The following SYK variants were observed in gnomAD, a reference collection of about 807,000 sequenced individuals.
The protein encoded by SYK is spleen associated tyrosine kinase, also known as tyrosine-protein kinase SYK.
SYK carries 16 observed loss-of-function variants against 77.8 expected under a neutral mutation model. The ratio of observed to expected loss-of-function variants is 0.21; its 90% confidence interval spans 0.14 to 0.31. The LOEUF is 0.31. SYK is among the 10% of genes least tolerant of loss of function. The pLI, the probability that SYK is intolerant of heterozygous loss-of-function variation, is 1.00. For missense variants in SYK, 529 were observed against 814.4 expected (o/e 0.65, Z 4.26); for synonymous variants, 312 against 308.7 (o/e 1.01, Z -0.11).
intron 3 of SYK, among the ~76,000 whole-genome samples, chr9:90,860,728 G>A (rs190072764): frequency 6.6e-6 from 1 of 152,252 alleles, no homozygotes; most frequent in East Asian, 1.9e-4. Flanking sequence ...CCATGCCATC[G>A]TTCAGCTTTC....
intron 1 of SYK, among the ~76,000 whole-genome samples, chr9:90,841,270 G>C (rs979764046): frequency 6.6e-6 from 1 of 150,928 alleles, no homozygotes; most frequent in Admixed American, 6.6e-5. Flanking sequence ...GTGTGTGTGG[G>C]TGTGTACTGT....
Position 90,844,285 on chromosome 9 carries a change from G to A in SYK, c.387G>A (p.Arg129=). 1.2e-6 allele frequency: 2 copies of A among 1,612,556 alleles called. No individual in the cohort carries two copies. The highest frequency in any genetic ancestry group is 1.7e-6 in the Non-Finnish European group (2 of 1,179,176). ...PFEDLKENLI[R]EYVKQTWNLQ... is the part of the protein sequence containing the mutation. The stretch of plus-strand genomic sequence containing the variant: ...AGGATTTGAAGGAAAACCTCATCAG[G>A]GAATATGTGAAGCAGACATGGAACC... Residue 129 remains arginine, a synonymous_variant, in exon 2 of 14, where the codon AGG becomes AGA. Coordinates refer to ENST00000375754, the MANE Select transcript of SYK (RefSeq NM_003177.7).
intron 1 of SYK, among the ~76,000 whole-genome samples, chr9:90,834,257 G>A (rs7039014): frequency 0.12 from 18,096 of 150,550 alleles, 1,085 homozygotes; most frequent in African/African-American, 0.16. Context: ...CTGGCTGCCC[G>A]TGCTTTTTCC....
chr9:90,863,871 GC>G lies in SYK; in HGVS notation c.718-717del, dbSNP rs575939591. Among the ~76,000 whole-genome samples, 48 of 152,306 alleles carry G rather than the reference GC, an allele frequency of 3.2e-4. 2 individuals are homozygous for G. The South Asian group carries it at 9.8e-3, about 31-fold the overall frequency. On this transcript the variant is annotated intron_variant, in intron 4 of 13. Coordinates refer to ENST00000375754, the MANE Select transcript of SYK (RefSeq NM_003177.7). ...GTTCTGTCACCATTTCAAAGGCTGA[GC>G]ACTCACCATAGTGTTAAGCATCTCT...
intron 1 of SYK, among the ~76,000 whole-genome samples, chr9:90,830,475 G>A (rs1825840347): frequency 6.6e-6 from 1 of 152,154 alleles, no homozygotes; most frequent in Admixed American, 6.5e-5. Flanking sequence ...GCTGGGTGGG[G>A]TGGTCCCATC....
In SYK at chr9:90,874,981, G is replaced by A; in HGVS notation, c.1181+132G>A. On this transcript the variant is annotated intron_variant, in intron 9 of 13. Transcript: ENST00000375754. ...ATGCTACCATTCTTGTTAATTTCTGGTACTATTATAATGAAAGCGTCCATT... is the reference window on the plus strand; with the variant it reads ...ATGCTACCATTCTTGTTAATTTCTGATACTATTATAATGAAAGCGTCCATT... The A allele has an allele frequency of 2.7e-6, 3 of 1,128,684 alleles. No homozygotes were observed. The South Asian group carries it at 4.8e-5, about 18-fold the overall frequency. 69.9% of individuals were successfully genotyped at this position (1,128,684 alleles called of 1,614,324 possible). A position where few individuals can be genotyped will look rare whatever the true frequency, so the allele number is the denominator to read the frequency against.
chr9:90,836,574 G>T (rs10993705), intron 1 of SYK, among the ~76,000 whole-genome samples: 9,029 of 152,226 alleles, frequency 0.059, 342 homozygotes, highest in Middle Eastern at 0.088. Flanking sequence ...TGATGAGCTC[G>T]AGAGTTGCAA....
chr9:90,882,594 A>AT lies in SYK; in HGVS notation c.1581+3647dup, dbSNP rs528086677. Among the ~76,000 whole-genome samples the AT allele has an allele frequency of 2.3e-4, 35 of 152,358 alleles. No homozygotes were observed. The South Asian group carries it at 6.6e-3, about 29-fold the overall frequency. On this transcript the variant is annotated intron_variant, in intron 11 of 13. Transcript: ENST00000375754. ...ATTAGGAAATTAGAATGCTTAGATC[A>AT]TTTTTTAATGATGCTAGCAAGTAGT...
intron 13 of SYK, among the ~76,000 whole-genome samples, chr9:90,894,911 G>A (rs1828925881): frequency 6.6e-6 from 1 of 152,172 alleles, no homozygotes; most frequent in Non-Finnish European, 1.5e-5. Context: ...AGTAAGGACT[G>A]GCTATATTAA....
intron 12 of SYK, 37 bp from the exon 13 acceptor site, chr9:90,888,478 A>G: frequency 7.3e-7 from 1 of 1,373,824 alleles, no homozygotes; most frequent in Non-Finnish European, 9.7e-7. Context: ...AACACCTTTA[A>G]AAAAAAAAAA....
At chr9:90,834,294 C>G (rs1443982171) in intron 1 of SYK, among the ~76,000 whole-genome samples, 1 of 152,184 alleles carries the variant, frequency 6.6e-6, no homozygotes, top group African/African-American at 2.4e-5. Flanking sequence ...TTATCCTTCC[C>G]TCTTCTATTC....
chr9:90,887,924 G>A (rs773162317), intron 12 of SYK, 35 bp downstream of exon 12: 11 of 1,551,610 alleles, frequency 7.1e-6, no homozygotes, highest in African/African-American at 1.4e-5. Context: ...TCACTGTGGG[G>A]CCATTAGAAC....
At chr9:90,811,510 A>C (rs572688761) in intron 1 of SYK, among the ~76,000 whole-genome samples, 2 of 152,326 alleles carry the variant, frequency 1.3e-5, no homozygotes, top group African/African-American at 4.8e-5. Flanking sequence ...CATATGTTGG[A>C]ATCCTATGCA....
intron 3 of SYK, among the ~76,000 whole-genome samples, chr9:90,854,124 GGATGGTGGCAGAGTTTTCCTT>G (rs1383380042): frequency 6.6e-6 from 1 of 152,162 alleles, no homozygotes; most frequent in Admixed American, 6.5e-5. Flanking sequence ...GAGATTCTAT[GGATGGTGGCAGAGTTTTCCTT>G]GATGGTGGCA....
intron 6 of SYK, among the ~76,000 whole-genome samples, chr9:90,865,675 C>A (rs1037076051): frequency 3.3e-5 from 5 of 152,044 alleles, no homozygotes; most frequent in Non-Finnish European, 2.9e-5. Flanking sequence ...ATACACAATG[C>A]GAATGAAACC....
At position 90,862,349 on chromosome 9, in the gene SYK, C is replaced by A. The variant is rs762422243; in HGVS notation, c.717+5C>A. On this transcript the variant is annotated splice_donor_5th_base_variant and intron_variant, in intron 4 of 13. Transcript: ENST00000375754. ...AAGTTCGACACGCTCTGGCAGGTAC[C>A]CAGCCTCCTCTCCCCACCTTGTGGG... The A allele has an allele frequency of 4.3e-6, 7 of 1,612,874 alleles. No individual in the cohort carries two copies. Among genetic ancestry groups the A allele is most frequent in the Non-Finnish European group, 5.9e-6 (7 of 1,179,210 alleles).
intron 1 of SYK, among the ~76,000 whole-genome samples, chr9:90,826,624 G>A (rs1360346621): frequency 6.6e-6 from 1 of 152,220 alleles, no homozygotes; most frequent in Non-Finnish European, 1.5e-5. Flanking sequence ...TACAGCTCTG[G>A]AGAGGGTTCC....
chr9:90,814,154 G>T (rs939659448), intron 1 of SYK, among the ~76,000 whole-genome samples: 2 of 152,096 alleles, frequency 1.3e-5, no homozygotes, highest in Non-Finnish European at 2.9e-5. Flanking sequence ...AGTGAAAAAT[G>T]TATCACCCCC....
intron 11 of SYK, among the ~76,000 whole-genome samples, chr9:90,884,151 G>GTGTATATATATATATACACATACC (rs1564119721): frequency 1.1e-5 from 1 of 94,564 alleles, no homozygotes; most frequent in Non-Finnish European, 2.2e-5. Context: ...ATATGTGTGT[G>GTGTATATATATATATACACATACC]TGTATATATA....
Sources: gnomAD v4.1 joint callset for allele counts (sites outside exome capture counted in the v4.1 genomes callset) on GRCh38, gnomAD v4.1.1 for gene constraint, MANE v1.5 for transcripts, NCBI Gene and HGNC (gene_info 2026-07-23, HGNC 2026-07-21) for gene names.